CYRIB: variants seen among roughly 807,000 people sequenced by gnomAD.
CYRIB encodes the protein CYFIP related Rac1 interactor B.
CYRIB carries 8 observed loss-of-function variants against 44.2 expected under a neutral mutation model. That is an observed-to-expected ratio of 0.18 (90% CI 0.11 to 0.33). The LOEUF is 0.33. Among genes scored for constraint, CYRIB ranks in the 10% least tolerant of loss-of-function variants. The pLI is 1.00. For missense variants in CYRIB, 185 were observed against 382.8 expected, an observed-to-expected ratio of 0.48 and a Z score of 4.31; for synonymous variants, 131 against 127.2, an observed-to-expected ratio of 1.03 and a Z score of -0.20.
chr8:129,997,515 A>C (rs904890559), intron 1 of CYRIB, among the ~76,000 whole-genome samples: 2 of 152,248 alleles, frequency 1.3e-5, no homozygotes, highest in Admixed American at 1.3e-4. Context: ...GAATGTGATT[A>C]AACAAAACTT....
chr8:130,012,362 C>T (rs967220669), intron 1 of CYRIB, among the ~76,000 whole-genome samples: 6 of 152,208 alleles, frequency 3.9e-5, no homozygotes, highest in African/African-American at 1.4e-4. Flanking sequence ...AGCTTGGAGG[C>T]TCCAAGTTTA....
intron 2 of CYRIB, among the ~76,000 whole-genome samples, chr8:129,892,749 A>G (rs1239371259): frequency 6.6e-6 from 1 of 152,230 alleles, no homozygotes; most frequent in Non-Finnish European, 1.5e-5. Flanking sequence ...ATATTCACAT[A>G]ATGAACTATA....
At chr8:129,986,268 AG>A (rs1239999033) in intron 1 of CYRIB, among the ~76,000 whole-genome samples, 4 of 152,174 alleles carry the variant, frequency 2.6e-5, no homozygotes, top group Non-Finnish European at 2.9e-5. Context: ...CAGAAGGGAA[AG>A]TGATTCAAGT....
intron 5 of CYRIB, among the ~76,000 whole-genome samples, chr8:129,859,832 C>A (rs561510696): frequency 1.3e-5 from 2 of 152,270 alleles, no homozygotes; most frequent in Admixed American, 1.3e-4. Flanking sequence ...TATAACTATT[C>A]TTGTTTCATA....
chr8:129,910,202 A>G (rs2077243659), intron 1 of CYRIB, among the ~76,000 whole-genome samples: 1 of 152,132 alleles, frequency 6.6e-6, no homozygotes, highest in Non-Finnish European at 1.5e-5. Flanking sequence ...CCCTTCACTC[A>G]CCCACGGTCT....
At chr8:129,969,910 A>G (rs978544105) in intron 2 of CYRIB, among the ~76,000 whole-genome samples, 3 of 152,140 alleles carry the variant, frequency 2.0e-5, no homozygotes, top group African/African-American at 7.2e-5. Context: ...CACCTACACT[A>G]TTTAAAGTGG....
intron 1 of CYRIB, among the ~76,000 whole-genome samples, chr8:129,971,423 C>G (rs1343977662): frequency 6.6e-6 from 1 of 152,186 alleles, no homozygotes; most frequent in South Asian, 2.1e-4. Flanking sequence ...CATTATATCA[C>G]TGAATTGTTT....
At chr8:130,002,835 C>T (rs903516093) in intron 1 of CYRIB, among the ~76,000 whole-genome samples, 7 of 152,310 alleles carry the variant, frequency 4.6e-5, no homozygotes, top group East Asian at 1.9e-4. Context: ...CGGTGGCCCA[C>T]GCCTGTAATC....
chr8:129,992,770 C>T (rs2133423382), intron 1 of CYRIB, among the ~76,000 whole-genome samples: 1 of 152,218 alleles, frequency 6.6e-6, no homozygotes, highest in Admixed American at 6.5e-5. Context: ...AGATCGCTAA[C>T]AACAAGAAAA....
chr8:130,016,697 C>T (rs551766317), upstream of CYRIB: 5 of 149,170 alleles, frequency 3.4e-5, no homozygotes, highest in South Asian at 8.0e-4. Context: ...CGCCGCATCG[C>T]GGGGCCCCGG....
At chr8:129,872,992 C>A (rs1258701175) in intron 3 of CYRIB, among the ~76,000 whole-genome samples, 1 of 151,912 alleles carries the variant, frequency 6.6e-6, no homozygotes, top group Non-Finnish European at 1.5e-5. Flanking sequence ...AGTCATAATT[C>A]AATTCTACCT....
At chr8:129,923,490 G>A (rs2085191516) in intron 1 of CYRIB, among the ~76,000 whole-genome samples, 1 of 151,930 alleles carries the variant, frequency 6.6e-6, no homozygotes, top group Non-Finnish European at 1.5e-5. Context: ...GGCCTGGCTG[G>A]TCTCAAACTC....
Position 129,872,771 on chromosome 8 carries a change from A to G in CYRIB, c.74-1275T>C, listed in dbSNP as rs558297758. On this transcript the variant is annotated intron_variant, in intron 3 of 11. Coordinates refer to ENST00000519824, the Ensembl canonical transcript of CYRIB. ...ACACTGGTCTTTTAAGTTTAAAAAT[A>G]TTTTAACAAACAAGAAGGTTTTTGG... is the stretch of plus-strand genomic sequence containing the variant. Among the ~76,000 whole-genome samples the G allele has an allele frequency of 8.5e-5, 13 of 152,188 alleles. No individual in the cohort carries two copies. The South Asian group carries it at 2.7e-3, about 32-fold the overall frequency.
chr8:129,953,097 C>T (rs2094586731), intron 2 of CYRIB, among the ~76,000 whole-genome samples: 2 of 152,186 alleles, frequency 1.3e-5, no homozygotes, highest in South Asian at 4.1e-4. Context: ...GGGTCACCTA[C>T]TTGGGGGACA....
intron 7 of CYRIB, among the ~76,000 whole-genome samples, chr8:129,853,183 CA>C (rs1242533845): frequency 2.6e-5 from 4 of 152,190 alleles, no homozygotes; most frequent in Admixed American, 2.0e-4. Flanking sequence ...AAGGGAGAAC[CA>C]AGATGACTAA....
intron 9 of CYRIB, 105 bp downstream of exon 11, chr8:129,850,730 C>T: frequency 2.5e-6 from 2 of 811,572 alleles, no homozygotes; most frequent in South Asian, 3.0e-5. Context: ...ACTTACTTTC[C>T]ACCTTCCAGA....
intron 1 of CYRIB, among the ~76,000 whole-genome samples, chr8:129,935,387 G>C (rs73710971): frequency 0.014 from 2,185 of 152,284 alleles, 37 homozygotes; most frequent in African/African-American, 0.045. Flanking sequence ...GGATGAAACT[G>C]TTCCACCTCA....
chr8:129,994,552 T>TG (rs1359409329), intron 1 of CYRIB, among the ~76,000 whole-genome samples: 1 of 152,130 alleles, frequency 6.6e-6, no homozygotes. Context: ...GGCATCAGGC[T>TG]GGGGGGCCAT....
chr8:129,936,477 G>A (rs2092809209), intron 1 of CYRIB, among the ~76,000 whole-genome samples: 1 of 152,086 alleles, frequency 6.6e-6, no homozygotes, highest in South Asian at 2.1e-4. Flanking sequence ...TCATAATATA[G>A]AATGAGTTCA....
Sources: allele counts gnomAD v4.1 joint callset (sites outside exome capture counted in the v4.1 genomes callset), GRCh38; gene constraint gnomAD v4.1.1; transcripts MANE v1.5; gene names NCBI Gene and HGNC (gene_info 2026-07-23, HGNC 2026-07-21).